The following ZNF280C variants were observed in gnomAD, a reference collection of about 807,000 sequenced individuals.
ZNF280C encodes suppressor of hairy wing homolog 3.
Under a neutral mutation model 53.6 loss-of-function variants are expected in ZNF280C, and 14 were observed. The observed-to-expected ratio is 0.26, with a 90% confidence interval of 0.17 to 0.41. The LOEUF (loss-of-function observed/expected upper bound fraction) is 0.41, where lower values mean the gene tolerates loss of function less well. ZNF280C is among the 10% of genes least tolerant of loss of function. The pLI is 1.00. For missense variants in ZNF280C, 416 were observed against 547.1 expected (o/e 0.76, Z 2.39); for synonymous variants, 203 against 181.1 (o/e 1.12, Z -0.97).
At chrX:130,260,373 T>TAA in intron 2 of ZNF280C, 46 bp downstream of exon 2, 1 of 1,132,176 alleles carries the variant, frequency 8.8e-7, no homozygotes, top group Non-Finnish European at 1.2e-6. Flanking sequence ...AGGTTTACAG[T>TAA]ACAAAAACCA....
chrX:130,247,726 G>A (rs2032465087), intron 2 of ZNF280C, among the ~76,000 whole-genome samples: 1 of 110,893 alleles, frequency 9.0e-6, no homozygotes, highest in African/African-American at 3.3e-5. Context: ...AAATTCACTT[G>A]TATAAACAAG....
At chrX:130,229,933 A>C (rs952647083) in intron 9 of ZNF280C, among the ~76,000 whole-genome samples, 17 of 112,446 alleles carry the variant, frequency 1.5e-4, no homozygotes, top group Non-Finnish European at 3.0e-4. Flanking sequence ...GACTGGGTCA[A>C]CTACTTACAA....
chrX:130,245,406 A>G (rs1235085726), intron 3 of ZNF280C, among the ~76,000 whole-genome samples: 1 of 112,048 alleles, frequency 8.9e-6, no homozygotes, highest in Non-Finnish European at 1.9e-5. Flanking sequence ...TCTACTATCA[A>G]TAATAAATAT....
At chrX:130,251,264 C>T (rs1216554591) in intron 2 of ZNF280C, among the ~76,000 whole-genome samples, 21 of 71,415 alleles carry the variant, frequency 2.9e-4, no homozygotes, top group Non-Finnish European at 4.1e-4. Flanking sequence ...TCTAGGCAAA[C>T]GCAGTAAGGA....
At chrX:130,236,436 TA>T (rs753770024) in intron 7 of ZNF280C, 32 bp downstream of exon 7, 98 of 1,146,287 alleles carry the variant, frequency 8.5e-5, no homozygotes, top group East Asian at 4.9e-4. Flanking sequence ...AAAATAATAC[TA>T]TTTTTTTTTA....
intron 10 of ZNF280C, among the ~76,000 whole-genome samples, chrX:130,228,269 A>T (rs2032240479): frequency 9.0e-6 from 1 of 111,431 alleles, no homozygotes; most frequent in Non-Finnish European, 1.9e-5. Context: ...TATAAGAAAG[A>T]TTTCAATTAT....
chrX:130,227,572 A>G (rs1054726358), intron 11 of ZNF280C, 110 bp downstream of exon 11: 10 of 598,531 alleles, frequency 1.7e-5, no homozygotes, highest in Admixed American at 1.4e-4. Context: ...CAATTTTAGC[A>G]TAGTAACTAA....
chrX:130,238,082 A>T (rs2032352823), intron 6 of ZNF280C, among the ~76,000 whole-genome samples: 1 of 111,285 alleles, frequency 9.0e-6, no homozygotes, highest in Admixed American at 9.6e-5. Context: ...GTGCTAATAA[A>T]AATCCTATCC....
At chrX:130,205,875 T>TAA (rs147621506) in intron 16 of ZNF280C, among the ~76,000 whole-genome samples, 283 of 85,622 alleles carry the variant, frequency 3.3e-3, no homozygotes, top group African/African-American at 0.011. Context: ...GAGACTATGT[T>TAA]AAAAAAAAAA....
At chrX:130,209,346 A>C (rs754697328) in intron 16 of ZNF280C, among the ~76,000 whole-genome samples, 11 of 112,576 alleles carry the variant, frequency 9.8e-5, no homozygotes, top group Admixed American at 5.7e-4. Context: ...TTAATTCTAA[A>C]AACATTAACA....
chrX:130,242,127 C>T (rs1249063822), intron 5 of ZNF280C, among the ~76,000 whole-genome samples: 1 of 109,653 alleles, frequency 9.1e-6, no homozygotes. Flanking sequence ...CCTGTAATAC[C>T]AGCTACTCGG....
intron 1 of ZNF280C, among the ~76,000 whole-genome samples, chrX:130,263,926 G>A (rs766708278): frequency 5.1e-4 from 55 of 107,506 alleles, no homozygotes; most frequent in Non-Finnish European, 4.0e-4. Context: ...TCAGGAGGCT[G>A]AGGCAGGAGA....
Position 130,204,517 on chromosome X carries a change from A to G in ZNF280C, c.*460T>C, listed in dbSNP as rs1243889667. ...GACACTGTCCAGGAGTACCCTGGAT[A>G]TTTTTTGAAACTTATGTGTTGCTTC... On this transcript the variant is annotated 3_prime_UTR_variant, in exon 19 of 19. Transcript: ENST00000370978. The G allele has an allele frequency of 1.7e-5, 2 of 114,857 alleles. No individual in the cohort carries two copies. Among genetic ancestry groups the G allele is most frequent in the African/African-American group, 6.5e-5 (2 of 30,974 alleles). 9.5% of individuals were successfully genotyped at this position (114,857 alleles called of 1,213,427 possible).
At chrX:130,246,621 T>A (rs2032453228) in intron 3 of ZNF280C, among the ~76,000 whole-genome samples, 1 of 112,152 alleles carries the variant, frequency 8.9e-6, no homozygotes, top group African/African-American at 3.2e-5. Flanking sequence ...ATCTTAACCC[T>A]CAATTAACTT....
At position 130,246,983 on chromosome X, in the gene ZNF280C, G is replaced by C; in HGVS notation, c.54C>G (p.Leu18=). 1 of 1,204,226 alleles carries C rather than the reference G, an allele frequency of 8.3e-7. No homozygotes were observed. The highest frequency in any genetic ancestry group is 1.1e-6 in the Non-Finnish European group (1 of 893,591). ...GCTCTTCTTCTTCACATTCCATAAA[G>C]AGTTCTGCCATTTTTGAAATGTCTA... ...QPKNISKMAE[L]FMECEEEELE... Residue 18 remains leucine (L), a synonymous_variant, in exon 3 of 19, where the codon CTC becomes CTG. Coordinates refer to ENST00000370978, the MANE Select transcript of ZNF280C (RefSeq NM_017666.5).
intron 3 of ZNF280C, among the ~76,000 whole-genome samples, chrX:130,246,502 G>A (rs1485850602): frequency 2.7e-5 from 3 of 112,021 alleles, no homozygotes; most frequent in Admixed American, 9.5e-5. Context: ...TTCCTTTTCT[G>A]TAAATCTGAG....
chrX:130,257,946 TAAAATTACA>T (rs1175901590), intron 2 of ZNF280C, among the ~76,000 whole-genome samples: 1 of 111,130 alleles, frequency 9.0e-6, no homozygotes, highest in African/African-American at 3.3e-5. Flanking sequence ...TCGTCTCTAC[TAAAATTACA>T]AAAATTACAA....
At chrX:130,236,123 G>T in intron 8 of ZNF280C, 91 bp downstream of exon 8, 1 of 538,347 alleles carries the variant, frequency 1.9e-6, no homozygotes, top group East Asian at 3.9e-5. Context: ...CTAAATATCT[G>T]GATAAACCAG....
chrX:130,205,079 C>T, intron 18 of ZNF280C, 38 bp downstream of exon 18: 1 of 1,166,087 alleles, frequency 8.6e-7, no homozygotes, highest in Non-Finnish European at 1.1e-6. Flanking sequence ...TGCTAAAGTC[C>T]ATCAAAGCAA....
Sources: gnomAD v4.1 joint callset for allele counts (sites outside exome capture counted in the v4.1 genomes callset) on GRCh38, gnomAD v4.1.1 for gene constraint, MANE v1.5 for transcripts, NCBI Gene and HGNC (gene_info 2026-07-23, HGNC 2026-07-21) for gene names.